The following ALS2 variants were observed in gnomAD, a reference collection of about 807,000 sequenced individuals.
ALS2 encodes the protein alsin.
ALS2 carries 117 observed loss-of-function variants against 203.4 expected under a neutral mutation model. The ratio of observed to expected loss-of-function variants is 0.58; its 90% CI spans 0.50 to 0.67. ALS2 has a LOEUF of 0.67. Among genes scored for constraint, ALS2 ranks in the 30% least tolerant of loss-of-function variants. The pLI, the probability that ALS2 is intolerant of heterozygous loss-of-function variation, is 0.00. For synonymous variants in ALS2, 718 were observed against 725.9 expected, an observed-to-expected ratio of 0.99 and a Z score of 0.17; for missense variants, 1,715 against 1,989.4, an observed-to-expected ratio of 0.86 and a Z score of 2.62.
rs771260105 is a variant in ALS2 at position 201,761,329 on chromosome 2, G to T, written c.665C>A (p.Ser222Tyr). Residue 222 changes from serine to tyrosine, a missense_variant, in exon 4 of 34, where the codon TCC becomes TAC. By Grantham distance (144) the Ser-to-Tyr change is moderately radical. Around this residue, in one of 3 missense-constraint regions of ALS2, gnomAD observed 476 missense variants for 539.3 expected, o/e 0.88. Coordinates refer to ENST00000264276, the MANE Select transcript of ALS2 (RefSeq NM_020919.4). ...TTCTGGGACTGGCTTCAGATCCTGGGAAGGGAGGCATTGTACAAGGGCTAA... is the reference window on the plus strand; with the variant it reads ...TTCTGGGACTGGCTTCAGATCCTGGTAAGGGAGGCATTGTACAAGGGCTAA... ...HSLALVQCLP[S>Y]QDLKPVPERC... The T allele has an allele frequency of 5.0e-6, 8 of 1,614,034 alleles. No individual in the cohort carries two copies. Among genetic ancestry groups the T allele is most frequent in the Non-Finnish European group, 5.9e-6 (7 of 1,180,042 alleles).
chr2:201,725,639 T>G (rs1574703835), intron 19 of ALS2, among the ~76,000 whole-genome samples, 185 bp from the exon 20 acceptor site: 2 of 152,056 alleles, frequency 1.3e-5, no homozygotes, highest in Admixed American at 1.3e-4. Context: ...GCAAGAGGAG[T>G]GGGACATCAG....
intron 11 of ALS2, among the ~76,000 whole-genome samples, chr2:201,739,579 C>T (rs1261085988): frequency 6.6e-6 from 1 of 151,598 alleles, no homozygotes; most frequent in African/African-American, 2.4e-5. Context: ...CCCGTCTCTA[C>T]TAAAACTATA....
intron 12 of ALS2, among the ~76,000 whole-genome samples, chr2:201,736,152 C>T (rs1044072302): frequency 1.3e-5 from 2 of 151,962 alleles, no homozygotes; most frequent in African/African-American, 4.8e-5. Flanking sequence ...ACAACAACAA[C>T]AAACAATAAG....
intron 26 of ALS2, 52 bp downstream of exon 26, chr2:201,710,939 G>A (rs1689990002): frequency 3.8e-6 from 4 of 1,057,208 alleles, no homozygotes; most frequent in East Asian, 4.7e-5. Context: ...GATATATTGT[G>A]GTAGGTGAAT....
At chr2:201,718,290 C>T (rs1344379855) in intron 23 of ALS2, 80 bp from the exon 24 acceptor site, 2 of 1,461,958 alleles carry the variant, frequency 1.4e-6, no homozygotes, top group African/African-American at 1.4e-5. Flanking sequence ...GACAGAGTCT[C>T]ACTCTGTTGC....
chr2:201,727,347 A>G lies in ALS2; in HGVS notation c.2913-69T>C, dbSNP rs1012818994. The G allele has an allele frequency of 4.7e-5, 60 of 1,277,778 alleles. 1 individual carries two copies. The Admixed American group carries it at 8.2e-4, about 17-fold the overall frequency. The allele number at this position is 1,277,778 out of a possible 1,614,324, so 79.2% of individuals were successfully genotyped here. A position where few individuals can be genotyped will look rare whatever the true frequency, so the allele number is the denominator to read the frequency against. ...GTCATTACAGTATCGATCCTCAAAT[A>G]TGAAAAGCAACCTCTTTATTTCAAG... On this transcript the variant is annotated intron_variant, in intron 16 of 33. Coordinates refer to ENST00000264276, the MANE Select transcript of ALS2 (RefSeq NM_020919.4).
intron 2 of ALS2, among the ~76,000 whole-genome samples, chr2:201,767,934 A>G (rs1694187417): frequency 6.6e-6 from 1 of 152,048 alleles, no homozygotes; most frequent in African/African-American, 2.4e-5. Context: ...CCATCTAAGA[A>G]GCAAACAAAA....
At chr2:201,705,280 C>A in intron 30 of ALS2, 80 bp from the exon 31 acceptor site, 1 of 1,485,010 alleles carries the variant, frequency 6.7e-7, no homozygotes, top group Non-Finnish European at 9.4e-7. Context: ...TGTCAGAGTG[C>A]AGGTCTTTGG....
At chr2:201,704,346 C>T (rs556905437) in intron 32 of ALS2, 108 bp downstream of exon 32, 10 of 1,515,736 alleles carry the variant, frequency 6.6e-6, no homozygotes, top group South Asian at 5.7e-5. Flanking sequence ...ATGGGTTAAT[C>T]GATTTTTTTC....
At position 201,761,347 on chromosome 2, in the gene ALS2, A is replaced by G; in HGVS notation, c.647T>C (p.Leu216Pro). Residue 216 changes from leucine (L) to proline (P), a missense_variant, in exon 4 of 34, where the codon CTT becomes CCT. Coordinates refer to ENST00000264276, the MANE Select transcript of ALS2 (RefSeq NM_020919.4). ...ATCCTGGGAAGGGAGGCATTGTACA[A>G]GGGCTAAGCTGTGGAAAGCACCACA... ...VACGAFHSLA[L>P]VQCLPSQDLK... The G allele has an allele frequency of 6.2e-7, 1 of 1,614,114 alleles. No homozygotes were observed. Among genetic ancestry groups the G allele is most frequent in the Non-Finnish European group, 8.5e-7 (1 of 1,179,990 alleles).
At position 201,753,173 on chromosome 2, in the gene ALS2, A is replaced by C; in HGVS notation, c.1710T>G (p.His570Gln). Residue 570 changes from histidine (H) to glutamine (Q), a missense_variant, in exon 7 of 34, where the codon CAT becomes CAG. His to Gln is a conservative substitution (Grantham distance 24). Transcript: ENST00000264276. The part of the protein sequence containing the change: ...EVIHLEAGGY[H>Q]SLALTAKSQV... ...GGGATTTCGCAGTAAGTGCAAGAGA[A>C]TGGTAACCACCTGCCTCCAGATGGA... 1 of 1,614,180 alleles carries C rather than the reference A, an allele frequency of 6.2e-7. No individual in the cohort carries two copies. Among genetic ancestry groups the C allele is most frequent in the Non-Finnish European group, 8.5e-7 (1 of 1,179,992 alleles).
intron 22 of ALS2, 34 bp downstream of exon 22, chr2:201,723,296 G>T (rs1359822176): frequency 1.3e-6 from 2 of 1,540,252 alleles, no homozygotes; most frequent in African/African-American, 1.4e-5. Flanking sequence ...GCTTTAAAAA[G>T]TTAGTAATAA....
At chr2:201,746,775 T>C (rs1239833835) in intron 8 of ALS2, 27 bp from the exon 9 acceptor site, 1 of 1,613,512 alleles carries the variant, frequency 6.2e-7, no homozygotes, top group Non-Finnish European at 8.5e-7. Flanking sequence ...ATAGTGTCTG[T>C]CCAAGATAAA....
At chr2:201,759,741 C>T (rs1219868629) in intron 4 of ALS2, 46 of 984,972 alleles carry the variant, frequency 4.7e-5, no homozygotes, top group Non-Finnish European at 5.5e-5. Flanking sequence ...TTCATGTTCA[C>T]ATTCTGACAG....
chr2:201,738,763 A>C (rs772341503), intron 11 of ALS2, 28 bp from the exon 12 acceptor site: 3 of 1,571,290 alleles, frequency 1.9e-6, no homozygotes, highest in African/African-American at 1.4e-5. Context: ...ACACATGTAC[A>C]TTAGTTGAAA....
chr2:201,719,497 G>C (rs780279638), intron 23 of ALS2, among the ~76,000 whole-genome samples: 39 of 152,164 alleles, frequency 2.6e-4, no homozygotes, highest in Non-Finnish European at 4.6e-4. Flanking sequence ...GCTGAGGCAG[G>C]AGAATCGCTT....
At chr2:201,717,821 T>G (rs1690509427) in intron 24 of ALS2, among the ~76,000 whole-genome samples, 1 of 151,660 alleles carries the variant, frequency 6.6e-6, no homozygotes, top group African/African-American at 2.4e-5. Flanking sequence ...GTGCCTGTAG[T>G]CCCAGCTACT....
At chr2:201,775,949 T>C (rs772125279) in intron 1 of ALS2, among the ~76,000 whole-genome samples, 1 of 152,208 alleles carries the variant, frequency 6.6e-6, no homozygotes, top group Non-Finnish European at 1.5e-5. Context: ...GTACCCATAA[T>C]AATCATTCTG....
At chr2:201,704,424 T>C in intron 32 of ALS2, 30 bp downstream of exon 32, 1 of 1,613,462 alleles carries the variant, frequency 6.2e-7, no homozygotes. Flanking sequence ...AAATAACGAC[T>C]CACTAATAAC....
Sources: allele counts gnomAD v4.1 joint callset (sites outside exome capture counted in the v4.1 genomes callset), GRCh38; gene constraint gnomAD v4.1.1; regional missense constraint gnomAD v4.1.1; transcripts MANE v1.5; gene names NCBI Gene and HGNC (gene_info 2026-07-23, HGNC 2026-07-21).